The following FGF12 variants were observed in gnomAD, a reference collection of about 807,000 sequenced individuals.
The protein encoded by FGF12 is fibroblast growth factor 12B.
A neutral mutation model predicts 23.6 loss-of-function variants in FGF12; 14 were observed. The observed-to-expected ratio is 0.59, with a 90% CI of 0.39 to 0.93. The LOEUF is 0.93. FGF12 is among the 40% of genes least tolerant of loss of function. The pLI is 0.00. For missense variants in FGF12, 175 were observed against 217.8 expected, an observed-to-expected ratio of 0.80 and a Z score of 1.24; for synonymous variants, 62 against 77.3, an observed-to-expected ratio of 0.80 and a Z score of 1.04.
At position 192,279,858 on chromosome 3, in the gene FGF12, G is replaced by C. The variant is rs542530637; in HGVS notation, c.228+55503C>G. On this transcript the variant is annotated intron_variant, in intron 4 of 5. Coordinates refer to ENST00000445105, the MANE Select transcript of FGF12 (RefSeq NM_004113.6). Reference sequence around the variant, plus strand: ...TAGAGAGTCTCCAGGGTCCCTTCCAGATTTGAATTTGATTTCCAGCTCTAA... The same window carrying C: ...TAGAGAGTCTCCAGGGTCCCTTCCACATTTGAATTTGATTTCCAGCTCTAA... 8.0e-4 allele frequency among the ~76,000 whole-genome samples: 122 copies of C among 152,310 alleles called. 1 individual carries two copies. The highest frequency in any genetic ancestry group is 2.5e-3 in the African/African-American group (106 of 41,574).
intron 2 of FGF12, among the ~76,000 whole-genome samples, chr3:192,565,191 G>A (rs1712219503): frequency 6.6e-6 from 1 of 152,120 alleles, no homozygotes; most frequent in Non-Finnish European, 1.5e-5. Flanking sequence ...GAAATAAACT[G>A]GCTTAAAGCT....
intron 4 of FGF12, among the ~76,000 whole-genome samples, chr3:192,242,122 C>T (rs979581482): frequency 6.6e-6 from 1 of 151,500 alleles, no homozygotes; most frequent in Non-Finnish European, 1.5e-5. Flanking sequence ...ATCATGAAAC[C>T]TAAGGAAAGT....
At chr3:192,642,289 G>A (rs1334104396) in intron 2 of FGF12, among the ~76,000 whole-genome samples, 2 of 152,138 alleles carry the variant, frequency 1.3e-5, no homozygotes, top group Non-Finnish European at 2.9e-5. Flanking sequence ...AGGGAAACCA[G>A]GCTCCGAGAA....
At chr3:192,317,661 G>A (rs557923209) in intron 4 of FGF12, among the ~76,000 whole-genome samples, 4 of 152,254 alleles carry the variant, frequency 2.6e-5, no homozygotes, top group South Asian at 2.1e-4. Context: ...AAGGGAACTC[G>A]CTGCCTTGAA....
intron 2 of FGF12, among the ~76,000 whole-genome samples, chr3:192,556,281 C>T (rs1451193171): frequency 6.6e-6 from 1 of 152,076 alleles, no homozygotes; most frequent in African/African-American, 2.4e-5. Context: ...ACAAATCTTG[C>T]TTTAGATTTA....
At chr3:192,546,566 T>C (rs1207028533) in intron 2 of FGF12, among the ~76,000 whole-genome samples, 3 of 152,060 alleles carry the variant, frequency 2.0e-5, no homozygotes, top group African/African-American at 7.2e-5. Flanking sequence ...TTAATTGTAG[T>C]TCCCTGGTTC....
intron 2 of FGF12, among the ~76,000 whole-genome samples, chr3:192,421,819 TAAAA>T (rs74360183): frequency 6.2e-5 from 9 of 145,072 alleles, no homozygotes; most frequent in African/African-American, 2.3e-4. Context: ...TAAAGTATAA[TAAAA>T]AAAAAAAGAG....
At chr3:192,485,250 C>T (rs1723601684) in intron 2 of FGF12, among the ~76,000 whole-genome samples, 1 of 152,052 alleles carries the variant, frequency 6.6e-6, no homozygotes, top group Non-Finnish European at 1.5e-5. Flanking sequence ...ATTATTGCCA[C>T]AAAATTTTGA....
At chr3:192,351,532 C>T (rs1487329411) in intron 3 of FGF12, among the ~76,000 whole-genome samples, 1 of 152,176 alleles carries the variant, frequency 6.6e-6, no homozygotes, top group African/African-American at 2.4e-5. Flanking sequence ...TCTTCAGGCC[C>T]TAGGCAGGTA....
At chr3:192,615,600 T>A (rs1714726776) in intron 2 of FGF12, among the ~76,000 whole-genome samples, 2 of 152,062 alleles carry the variant, frequency 1.3e-5, no homozygotes, top group African/African-American at 4.8e-5. Flanking sequence ...AATTTTTAAC[T>A]CACTGATTCC....
At chr3:192,442,269 T>G (rs927520322) in intron 2 of FGF12, among the ~76,000 whole-genome samples, 37 of 152,366 alleles carry the variant, frequency 2.4e-4, no homozygotes, top group African/African-American at 8.7e-4. Context: ...CAGTGTTTAC[T>G]ACACTGCATT....
intron 2 of FGF12, among the ~76,000 whole-genome samples, chr3:192,365,681 G>A (rs1205923815): frequency 6.6e-6 from 1 of 152,072 alleles, no homozygotes; most frequent in East Asian, 1.9e-4. Flanking sequence ...GTAAAGGATG[G>A]GACCTCGGGT....
chr3:192,283,289 T>G (rs1469986322), intron 4 of FGF12, among the ~76,000 whole-genome samples: 1 of 152,116 alleles, frequency 6.6e-6, no homozygotes, highest in Admixed American at 6.6e-5. Context: ...TATGAAAAGT[T>G]CTTTGTCAGT....
chr3:192,169,857 T>C (rs1470793521), intron 5 of FGF12, among the ~76,000 whole-genome samples: 3 of 151,526 alleles, frequency 2.0e-5, no homozygotes. Context: ...CAAAAAAGTT[T>C]ATTCTAATGG....
chr3:192,719,239 G>C (rs931169625), intron 2 of FGF12, among the ~76,000 whole-genome samples: 1 of 152,154 alleles, frequency 6.6e-6, no homozygotes, highest in Non-Finnish European at 1.5e-5. Context: ...AGTTAGAAAA[G>C]CTCAGCCTTA....
Position 192,139,940 on chromosome 3 carries a change from A to G in FGF12, c.*4069T>C, listed in dbSNP as rs1470776860. On this transcript the variant is annotated 3_prime_UTR_variant, in exon 6 of 6. Transcript: ENST00000445105. Reference sequence around the variant, plus strand: ...GTATTGGGAAGTATAGATTTCTAAGATAACTTTTTGTAACTAAAAAATAAT... The same window carrying G: ...GTATTGGGAAGTATAGATTTCTAAGGTAACTTTTTGTAACTAAAAAATAAT... The G allele has an allele frequency of 6.6e-6, 1 of 152,040 alleles. No individual in the cohort carries two copies. The highest frequency in any genetic ancestry group is 1.9e-4 in the East Asian group (1 of 5,194). The allele number at this position is 152,040 out of a possible 1,614,324, so 9.4% of individuals were successfully genotyped here.
At position 192,365,976 on chromosome 3, in the gene FGF12, TAAA is replaced by T. The variant is rs5855421; in HGVS notation, c.14-5441_14-5439del. On this transcript the variant is annotated intron_variant, in intron 2 of 5. Coordinates refer to ENST00000445105, the MANE Select transcript of FGF12 (RefSeq NM_004113.6). ...CACTTTACTTCATTAGCTTCAAAGG[TAAA>T]AAAAAAAAAAAAAAAACAACAACAA... is the stretch of plus-strand genomic sequence containing the variant. Among the ~76,000 whole-genome samples, 1,209 of 130,752 alleles carry T rather than the reference TAAA, an allele frequency of 9.2e-3. 21 individuals are homozygous for T. The highest frequency in any genetic ancestry group is 0.027 in the African/African-American group (1,032 of 38,438). The allele number at this position is 130,752 out of a possible 152,430, so 85.8% of individuals were successfully genotyped here.
At chr3:192,485,551 C>A (rs1723609682) in intron 2 of FGF12, among the ~76,000 whole-genome samples, 1 of 152,092 alleles carries the variant, frequency 6.6e-6, no homozygotes, top group Non-Finnish European at 1.5e-5. Flanking sequence ...CCAATTCCAG[C>A]AATTAGTTGA....
chr3:192,329,869 T>C (rs1443765868), intron 4 of FGF12, among the ~76,000 whole-genome samples: 1 of 152,220 alleles, frequency 6.6e-6, no homozygotes, highest in Non-Finnish European at 1.5e-5. Flanking sequence ...TGGTATTTCC[T>C]GAACTATCGA....
Sources: allele counts gnomAD v4.1 joint callset (sites outside exome capture counted in the v4.1 genomes callset), GRCh38; gene constraint gnomAD v4.1.1; transcripts MANE v1.5; gene names NCBI Gene and HGNC (gene_info 2026-07-23, HGNC 2026-07-21).